The following BTBD1 variants were observed in gnomAD, a reference collection of about 807,000 sequenced individuals.
BTBD1 encodes the protein BTB/POZ domain-containing protein 1.
In BTBD1, 34 loss-of-function variants were observed where a neutral mutation model predicts 48.0. The ratio of observed to expected loss-of-function variants is 0.71; its 90% CI spans 0.54 to 0.94. The LOEUF is 0.94. Ranked by LOEUF, BTBD1 falls within the 40% of genes least tolerant of loss-of-function variation. The pLI, the probability that BTBD1 is intolerant of heterozygous loss-of-function variation, is 0.00. For missense variants in BTBD1, 543 were observed against 625.6 expected (o/e 0.87, Z 1.41); for synonymous variants, 261 against 242.1 (o/e 1.08, Z -0.72).
In BTBD1 at chr15:83,026,317, T is replaced by C. The variant is rs535178391; in HGVS notation, c.1055+3819A>G. Among the ~76,000 whole-genome samples the C allele has an allele frequency of 3.3e-5, 5 of 152,202 alleles. No homozygotes were observed. In the South Asian group the frequency reaches 1.0e-3, roughly 31 times the overall value. Reference sequence around the variant, plus strand: ...AACGAGTTCCACCCCCAAGGAGGCATACTCGATTTCACAAAGGTTTAGGGG... The same window carrying C: ...AACGAGTTCCACCCCCAAGGAGGCACACTCGATTTCACAAAGGTTTAGGGG... On this transcript the variant is annotated intron_variant, in intron 5 of 7. Transcript: ENST00000261721.
chr15:83,019,343 G>A (rs1454191661), intron 6 of BTBD1, among the ~76,000 whole-genome samples: 2 of 151,744 alleles, frequency 1.3e-5, no homozygotes, highest in Non-Finnish European at 2.9e-5. Flanking sequence ...GTGAGCCACT[G>A]CGCCCAGCCC....
At chr15:83,050,246 A>G (rs1393462082) in intron 2 of BTBD1, 68 bp from the exon 3 acceptor site, 1 of 914,328 alleles carries the variant, frequency 1.1e-6, no homozygotes, top group Non-Finnish European at 1.7e-6. Context: ...ACATATTTGA[A>G]ATTAATATTG....
chr15:83,019,270 C>T (rs1485905558), intron 6 of BTBD1, among the ~76,000 whole-genome samples: 1 of 152,028 alleles, frequency 6.6e-6, no homozygotes, highest in Non-Finnish European at 1.5e-5. Flanking sequence ...TCATGTTGGC[C>T]AGGCTGATCT....
chr15:83,032,589 A>G (rs575482490), intron 4 of BTBD1, among the ~76,000 whole-genome samples: 4 of 152,316 alleles, frequency 2.6e-5, no homozygotes, highest in African/African-American at 9.6e-5. Context: ...AACTTGGATG[A>G]ACTTGGAGGC....
At chr15:83,064,633 T>TCAC (rs1026743661) in intron 1 of BTBD1, among the ~76,000 whole-genome samples, 2 of 152,106 alleles carry the variant, frequency 1.3e-5, no homozygotes, top group Non-Finnish European at 2.9e-5. Context: ...TGTATAAGTA[T>TCAC]CACTTAGGGA....
intron 3 of BTBD1, chr15:83,044,438 A>T (rs539696988): frequency 1.3e-6 from 2 of 1,576,082 alleles, no homozygotes. Context: ...GAATACATGA[A>T]GGAGGAGGAG....
chr15:83,019,797 A>G (rs1023814110), intron 6 of BTBD1, among the ~76,000 whole-genome samples: 1 of 150,618 alleles, frequency 6.6e-6, no homozygotes, highest in South Asian at 2.1e-4. Flanking sequence ...GGGTTTCACC[A>G]TGTTGGCCAG....
chr15:83,030,172 C>T lies in BTBD1; in HGVS notation c.1019G>A (p.Ser340Asn). 1 of 1,614,116 alleles carries T rather than the reference C, an allele frequency of 6.2e-7. No individual in the cohort carries two copies. The highest frequency in any genetic ancestry group is 8.5e-7 in the Non-Finnish European group (1 of 1,180,030). Residue 340 changes from serine to asparagine, a missense_variant, in exon 5 of 8, where the codon AGC (serine) becomes AAC (asparagine). By Grantham distance (46) the Ser-to-Asn change is conservative (BLOSUM62 1). Transcript: ENST00000261721. ...CCINRFQQVE[S>N]RWGYSGTSDR... ...ACTCGTCCCACTGTAACCCCAGCGG[C>T]TTTCTACTTGCTGGAATCTATTGAT...
At chr15:83,022,260 C>T (rs2151299472) in intron 5 of BTBD1, 1 of 150,618 alleles carries the variant, frequency 6.6e-6, no homozygotes, top group African/African-American at 2.4e-5. Flanking sequence ...AACTAAGTTG[C>T]CCAGGCTGGT....
chr15:83,052,067 C>G (rs1356630676), intron 2 of BTBD1, among the ~76,000 whole-genome samples: 1 of 152,092 alleles, frequency 6.6e-6, no homozygotes, highest in Non-Finnish European at 1.5e-5. Flanking sequence ...AGGGATTCAC[C>G]TGCCTCAGCC....
At chr15:83,044,816 C>G (rs2032845159) in intron 3 of BTBD1, 1 of 1,142,550 alleles carries the variant, frequency 8.8e-7, no homozygotes, top group Admixed American at 1.7e-5. Flanking sequence ...ATAGAATGAT[C>G]AAGCTCAGTT....
chr15:83,057,200 A>C (rs1420927543), intron 1 of BTBD1, among the ~76,000 whole-genome samples: 2 of 152,234 alleles, frequency 1.3e-5, no homozygotes, highest in African/African-American at 4.8e-5. Flanking sequence ...CTGAGGAAAC[A>C]GGAGAGCTGT....
At chr15:83,031,133 C>T (rs2151302850) in intron 4 of BTBD1, among the ~76,000 whole-genome samples, 1 of 152,308 alleles carries the variant, frequency 6.6e-6, no homozygotes, top group East Asian at 1.9e-4. Flanking sequence ...AACTAGTTTA[C>T]AGCCCCACCA....
At chr15:83,042,663 C>T (rs1196302730) in intron 3 of BTBD1, among the ~76,000 whole-genome samples, 1 of 152,024 alleles carries the variant, frequency 6.6e-6, no homozygotes, top group Non-Finnish European at 1.5e-5. Context: ...GGATTACAGG[C>T]GTGAGCCACC....
chr15:83,044,339 C>A, intron 3 of BTBD1: 1 of 1,331,682 alleles, frequency 7.5e-7, no homozygotes, highest in Non-Finnish European at 1.1e-6. Flanking sequence ...GGCAACCCTG[C>A]TCTGCATGCC....
At chr15:83,030,575 A>C in intron 4 of BTBD1, 1 of 387,164 alleles carries the variant, frequency 2.6e-6, no homozygotes, top group East Asian at 5.0e-5. Context: ...GCTATTCCTC[A>C]TGGATGCCAG....
At position 83,054,509 on chromosome 15, in the gene BTBD1, A is replaced by G. The variant is rs562454032; in HGVS notation, c.558+1880T>C. Among the ~76,000 whole-genome samples, 15 of 152,192 alleles carry G rather than the reference A, an allele frequency of 9.9e-5. No individual in the cohort carries two copies. In the South Asian group the frequency reaches 2.7e-3, roughly 27 times the overall value. On this transcript the variant is annotated intron_variant, in intron 2 of 7. Transcript: ENST00000261721. Reference sequence around the variant, plus strand: ...GACATCAGAATGTTCTTTCTTCTGTAACTACAAATACCTCATGAGAGAAGA... The same window carrying G: ...GACATCAGAATGTTCTTTCTTCTGTGACTACAAATACCTCATGAGAGAAGA...
intron 5 of BTBD1, among the ~76,000 whole-genome samples, chr15:83,021,130 ATACT>A (rs1420196221): frequency 1.3e-5 from 2 of 152,260 alleles, no homozygotes; most frequent in Non-Finnish European, 2.9e-5. Context: ...AATTCAACAA[ATACT>A]TACTAAGGGC....
At chr15:83,018,411 T>TATAC (rs1250564408) in intron 7 of BTBD1, among the ~76,000 whole-genome samples, 186 bp from the exon 8 acceptor site, 1 of 152,266 alleles carries the variant, frequency 6.6e-6, no homozygotes, top group Non-Finnish European at 1.5e-5. Context: ...ATACTGAATG[T>TATAC]ACAGCCCAGC....
Sources: allele counts gnomAD v4.1 joint callset (sites outside exome capture counted in the v4.1 genomes callset), GRCh38; gene constraint gnomAD v4.1.1; transcripts MANE v1.5; gene names NCBI Gene and HGNC (gene_info 2026-07-23, HGNC 2026-07-21).